The following ATP13A4 variants were observed in gnomAD, a reference collection of about 807,000 sequenced individuals.
ATP13A4 encodes ATPase 13A4.
ATP13A4 carries 114 observed loss-of-function variants against 142.5 expected under a neutral mutation model. The ratio of observed to expected loss-of-function variants is 0.80; its 90% CI spans 0.69 to 0.93. ATP13A4 has a LOEUF of 0.93. Ranked by LOEUF, ATP13A4 falls within the 40% of genes least tolerant of loss-of-function variation. The pLI is 0.00. For synonymous variants in ATP13A4, 488 were observed against 514.8 expected, an observed-to-expected ratio of 0.95 and a Z score of 0.70; for missense variants, 1,392 against 1,454.0, an observed-to-expected ratio of 0.96 and a Z score of 0.69.
intron 8 of ATP13A4, among the ~76,000 whole-genome samples, chr3:193,474,322 CAAAAAAAAAAAAA>C (rs1176133187): frequency 1.4e-5 from 1 of 69,090 alleles, no homozygotes; most frequent in Admixed American, 1.9e-4. Flanking sequence ...GACTCCGTCT[CAAAAAAAAAAAAA>C]AAAAAAAAAA....
At chr3:193,563,236 T>C (rs1422838779) in intron 2 of ATP13A4, among the ~76,000 whole-genome samples, 1 of 152,206 alleles carries the variant, frequency 6.6e-6, no homozygotes, top group African/African-American at 2.4e-5. Context: ...ATACCTGGTT[T>C]ACTGAAGGAT....
At chr3:193,461,070 G>C (rs567267137) in intron 13 of ATP13A4, among the ~76,000 whole-genome samples, 1 of 152,154 alleles carries the variant, frequency 6.6e-6, no homozygotes, top group East Asian at 1.9e-4. Context: ...ATTCAACTTT[G>C]ATTGGAAGGC....
chr3:193,472,568 T>A (rs551182870), intron 8 of ATP13A4, among the ~76,000 whole-genome samples: 2 of 152,354 alleles, frequency 1.3e-5, no homozygotes, highest in African/African-American at 4.8e-5. Context: ...GAATCAACTA[T>A]CTGTGAAGTT....
chr3:193,508,194 G>A (rs887431257), intron 2 of ATP13A4, among the ~76,000 whole-genome samples: 2 of 152,134 alleles, frequency 1.3e-5, no homozygotes, highest in Admixed American at 6.5e-5. Context: ...TGGACTTTCG[G>A]CTCCCAGAAC....
rs577951586 is a variant in ATP13A4 at position 193,418,637 on chromosome 3, C to G, written c.2843-3887G>C. ...GTGGGGAAAAGGTAAGCAAGAGGAC[C>G]CCAGCAGCCCCCATCAACACCCTGG... On this transcript the variant is annotated intron_variant, in intron 25 of 29. Transcript: ENST00000342695. Among the ~76,000 whole-genome samples the G allele has an allele frequency of 7.3e-5, 11 of 149,692 alleles. 1 individual carries two copies. The highest frequency in any genetic ancestry group is 2.7e-4 in the African/African-American group (11 of 40,736).
chr3:193,470,717 G>C, intron 9 of ATP13A4, 142 bp downstream of exon 9: 1 of 1,174,164 alleles, frequency 8.5e-7, no homozygotes, highest in South Asian at 1.3e-5. Context: ...AGTAAGATTT[G>C]TGGCAACGGG....
chr3:193,433,883 A>G lies in ATP13A4; in HGVS notation c.2804T>C (p.Phe935Ser). Residue 935 changes from phenylalanine (F) to serine (S), a missense_variant, in exon 25 of 30, where the codon TTC becomes TCC. Transcript: ENST00000342695. ...TNSLSNYQFL[F>S]QDLAITTLIG... ...AAGAGTTGTAATGGCCAGATCCTGG[A>G]ACAGAAACTGGTAATTTGAAAGGCT... The G allele has an allele frequency of 1.2e-6, 2 of 1,613,964 alleles. No individual in the cohort carries two copies. Among genetic ancestry groups the G allele is most frequent in the Non-Finnish European group, 1.7e-6 (2 of 1,179,828 alleles).
intron 3 of ATP13A4, among the ~76,000 whole-genome samples, chr3:193,500,068 ACT>A (rs1433977355): frequency 1.3e-5 from 2 of 151,748 alleles, no homozygotes; most frequent in African/African-American, 4.8e-5. Flanking sequence ...TTCCCCCATC[ACT>A]CTCAGAGCCT....
chr3:193,542,482 T>G (rs1050037045), intron 1 of ATP13A4, among the ~76,000 whole-genome samples: 2 of 151,974 alleles, frequency 1.3e-5, no homozygotes, highest in Non-Finnish European at 2.9e-5. Context: ...ACTTTAAAAT[T>G]TATATGGTAC....
chr3:193,402,695 G>T lies in ATP13A4; in HGVS notation c.3548C>A (p.Ser1183Tyr). The T allele has an allele frequency of 7.9e-7, 1 of 1,268,238 alleles. No homozygotes were observed. The allele number at this position is 1,268,238 out of a possible 1,614,324, so 78.6% of individuals were successfully genotyped here. Residue 1183 changes from serine to tyrosine, a missense_variant, in exon 30 of 30, where the codon TCT becomes TAT. Ser to Tyr is a moderately radical substitution (Grantham distance 144). Transcript: ENST00000342695. The part of the protein sequence containing the change: ...SDMPECGRGV[S>Y]YSNPVFESNE... The stretch of plus-strand genomic sequence containing the variant: ...GCTCTCAAATACTGGATTGCTGTAA[G>T]ACACTCCTCTGCCACACTCCGGCAT...
At chr3:193,463,362 G>A (rs1314314139) in intron 12 of ATP13A4, among the ~76,000 whole-genome samples, 1 of 144,330 alleles carries the variant, frequency 6.9e-6, no homozygotes, top group Non-Finnish European at 1.5e-5. Context: ...ATAAGGAATA[G>A]AGTGAAATTT....
intron 2 of ATP13A4, among the ~76,000 whole-genome samples, chr3:193,513,332 G>A (rs532096956): frequency 1.3e-5 from 2 of 152,306 alleles, no homozygotes; most frequent in Non-Finnish European, 2.9e-5. Context: ...TATCTAGAGA[G>A]ATTGTAATAT....
chr3:193,535,291 CA>C (rs1722533596), intron 1 of ATP13A4, among the ~76,000 whole-genome samples: 1 of 152,134 alleles, frequency 6.6e-6, no homozygotes, highest in African/African-American at 2.4e-5. Flanking sequence ...GGCCACAAAG[CA>C]GACCTCAACT....
intron 3 of ATP13A4, among the ~76,000 whole-genome samples, chr3:193,497,829 C>T (rs1467526199): frequency 6.6e-6 from 1 of 152,076 alleles, no homozygotes; most frequent in Non-Finnish European, 1.5e-5. Flanking sequence ...AAGGCAAATA[C>T]TGTAGGATCT....
At chr3:193,514,965 G>A (rs945843683) in intron 1 of ATP13A4, 94 bp from the exon 2 acceptor site, 1 of 1,401,204 alleles carries the variant, frequency 7.1e-7, no homozygotes, top group Non-Finnish European at 9.9e-7. Flanking sequence ...TGGGGGCAGA[G>A]TGAAGGAGTT....
intron 16 of ATP13A4, 114 bp from the exon 17 acceptor site, chr3:193,454,326 T>C (rs1717452856): frequency 2.6e-6 from 2 of 767,252 alleles, no homozygotes; most frequent in Non-Finnish European, 4.5e-6. Context: ...TCTACAAAGA[T>C]ATGTAAACAA....
chr3:193,537,981 T>TA (rs886467699), intron 1 of ATP13A4, among the ~76,000 whole-genome samples: 5 of 151,954 alleles, frequency 3.3e-5, no homozygotes, highest in South Asian at 2.1e-4. Context: ...GATGTAGCTA[T>TA]AAAAAAAACA....
At chr3:193,576,313 G>A (rs992795272) in intron 2 of ATP13A4, among the ~76,000 whole-genome samples, 22 of 123,118 alleles carry the variant, frequency 1.8e-4, no homozygotes, top group South Asian at 8.4e-4. Flanking sequence ...CGCCCAGGCC[G>A]GACTGCGGAC....
intron 1 of ATP13A4, chr3:193,592,901 A>T: frequency 6.1e-6 from 1 of 163,078 alleles, no homozygotes; most frequent in Non-Finnish European, 1.3e-5. Context: ...GTGCTCCCTC[A>T]ATATCCAACT....
Sources: allele counts gnomAD v4.1 joint callset (sites outside exome capture counted in the v4.1 genomes callset), GRCh38; gene constraint gnomAD v4.1.1; transcripts MANE v1.5; gene names NCBI Gene and HGNC (gene_info 2026-07-23, HGNC 2026-07-21).